The following ENOX1 variants were observed in gnomAD, a reference collection of about 807,000 sequenced individuals.
ENOX1 encodes the protein candidate growth-related and time keeping constitutive hydroquinone (NADH) oxidase.
Under a neutral mutation model 82.5 loss-of-function variants are expected in ENOX1, and 42 were observed. That is an observed-to-expected ratio of 0.51 (90% CI 0.40 to 0.66). ENOX1 has a LOEUF of 0.66. ENOX1 is among the 30% of genes least tolerant of loss of function. The pLI is 0.00. For synonymous variants in ENOX1, 271 were observed against 282.2 expected (o/e 0.96, Z 0.40); for missense variants, 608 against 811.6 (o/e 0.75, Z 3.05).
intron 2 of ENOX1, among the ~76,000 whole-genome samples, chr13:43,575,520 AC>A (rs1442171803): frequency 6.6e-6 from 1 of 152,202 alleles, no homozygotes; most frequent in Admixed American, 6.5e-5. Flanking sequence ...TGTTCAGGTC[AC>A]ACCTTCCTGA....
chr13:43,683,427 C>A (rs531215032), intron 1 of ENOX1, among the ~76,000 whole-genome samples: 75 of 152,186 alleles, frequency 4.9e-4, no homozygotes, highest in Non-Finnish European at 2.2e-4. Context: ...TTTGTCAGTC[C>A]ATTATCATCT....
chr13:43,322,094 G>C (rs1002168212), intron 11 of ENOX1, among the ~76,000 whole-genome samples: 2 of 152,198 alleles, frequency 1.3e-5, no homozygotes, highest in Non-Finnish European at 2.9e-5. Flanking sequence ...TTTAGCATCA[G>C]CTGTGGCTGC....
chr13:43,365,604 A>C (rs1260939145), intron 5 of ENOX1, among the ~76,000 whole-genome samples: 3 of 152,202 alleles, frequency 2.0e-5, no homozygotes, highest in African/African-American at 7.2e-5. Context: ...AACATCATGG[A>C]GTCATAAGTT....
intron 1 of ENOX1, among the ~76,000 whole-genome samples, chr13:43,763,937 G>A (rs946863767): frequency 6.6e-6 from 1 of 152,180 alleles, no homozygotes; most frequent in Admixed American, 6.5e-5. Flanking sequence ...GATTCATAGA[G>A]AATTTGTATC....
In ENOX1 at chr13:43,786,333, G is replaced by T. The variant is rs1418129007; in HGVS notation, c.-285+319C>A. Among the ~76,000 whole-genome samples the T allele has an allele frequency of 6.6e-6, 1 of 152,052 alleles. No individual in the cohort carries two copies. Among genetic ancestry groups the T allele is most frequent in the African/African-American group, 2.4e-5 (1 of 41,430 alleles). On this transcript the variant is annotated intron_variant, in intron 1 of 16. Coordinates refer to ENST00000690772, the MANE Select transcript of ENOX1 (RefSeq NM_001347969.2). The surrounding 1 kb of genome is among the most constrained non-coding windows in gnomAD (Gnocchi z 6.0). ...GGGAGGTGACTGGCGCGCGGCGGGC[G>T]CGGAGCCCGGAGCTGACACTGGCTG... is the stretch of plus-strand genomic sequence containing the variant.
chr13:43,339,891 T>C (rs975427635), intron 9 of ENOX1, among the ~76,000 whole-genome samples: 2 of 152,124 alleles, frequency 1.3e-5, no homozygotes, highest in African/African-American at 4.8e-5. Flanking sequence ...TGCAGACAAA[T>C]GGGGTGTGAC....
chr13:43,640,631 T>G (rs975552459), intron 2 of ENOX1, among the ~76,000 whole-genome samples: 16 of 152,174 alleles, frequency 1.1e-4, no homozygotes, highest in African/African-American at 3.6e-4. Flanking sequence ...CCTTTATAAC[T>G]CTCATTCTCA....
chr13:43,473,338 CCTTAA>C (rs780852901), intron 3 of ENOX1, among the ~76,000 whole-genome samples: 1 of 152,018 alleles, frequency 6.6e-6, no homozygotes, highest in African/African-American at 2.4e-5. Flanking sequence ...CATTCTATTC[CCTTAA>C]CTTTTCTTTT....
At chr13:43,756,223 G>T (rs9316056) in intron 1 of ENOX1, among the ~76,000 whole-genome samples, 137,132 of 151,928 alleles carry the variant, frequency 0.9, 62,347 homozygotes, top group Non-Finnish European at 0.97. Context: ...GCCCAGGAGT[G>T]TGAGACCAGC....
At chr13:43,732,522 G>A (rs1263000739) in intron 1 of ENOX1, among the ~76,000 whole-genome samples, 2 of 152,056 alleles carry the variant, frequency 1.3e-5, no homozygotes, top group South Asian at 2.1e-4. Context: ...AATGGTGAGC[G>A]CCCAATCAGC....
chr13:43,493,535 T>C (rs1178247889), intron 2 of ENOX1, among the ~76,000 whole-genome samples: 1 of 152,198 alleles, frequency 6.6e-6, no homozygotes, highest in Non-Finnish European at 1.5e-5. Flanking sequence ...AGAGCGAGAA[T>C]TCACCATTCC....
chr13:43,482,508 T>C (rs762707250), intron 3 of ENOX1, among the ~76,000 whole-genome samples: 1 of 152,168 alleles, frequency 6.6e-6, no homozygotes, highest in Non-Finnish European at 1.5e-5. Context: ...ACAACAGGTA[T>C]AGCACTTTAG....
chr13:43,604,660 G>T (rs898043401), intron 2 of ENOX1, among the ~76,000 whole-genome samples: 8 of 152,022 alleles, frequency 5.3e-5, no homozygotes, highest in African/African-American at 1.9e-4. Context: ...TTTACATCCT[G>T]GGGATAAATC....
chr13:43,336,978 C>T (rs1408439452), intron 9 of ENOX1, among the ~76,000 whole-genome samples: 2 of 152,208 alleles, frequency 1.3e-5, no homozygotes, highest in Non-Finnish European at 2.9e-5. Context: ...TATAAAGTTG[C>T]ATGACAGTTC....
At chr13:43,264,980 G>T (rs1477147581) in intron 14 of ENOX1, among the ~76,000 whole-genome samples, 2 of 152,142 alleles carry the variant, frequency 1.3e-5, no homozygotes, top group East Asian at 1.9e-4. Context: ...GAGAGAAGGG[G>T]TTTTCTCTGA....
At chr13:43,671,639 G>A (rs564087762) in intron 1 of ENOX1, among the ~76,000 whole-genome samples, 11 of 152,192 alleles carry the variant, frequency 7.2e-5, no homozygotes, top group African/African-American at 2.6e-4. Context: ...AGCCCACTAC[G>A]ATTTCCGAGG....
intron 1 of ENOX1, among the ~76,000 whole-genome samples, chr13:43,776,672 C>T (rs969003072): frequency 6.6e-6 from 1 of 152,212 alleles, no homozygotes; most frequent in African/African-American, 2.4e-5. Context: ...ACAGGAAGCA[C>T]TACCTCCCCT....
chr13:43,536,143 A>C (rs1210898072), intron 2 of ENOX1, among the ~76,000 whole-genome samples: 2 of 152,210 alleles, frequency 1.3e-5, no homozygotes, highest in Non-Finnish European at 2.9e-5. Flanking sequence ...ATTATTTTTA[A>C]GTTAATGTAA....
At chr13:43,583,909 A>G (rs899898912) in intron 2 of ENOX1, among the ~76,000 whole-genome samples, 1 of 151,730 alleles carries the variant, frequency 6.6e-6, no homozygotes, top group East Asian at 1.9e-4. Context: ...ATACTTAAAC[A>G]TTTTGACGCA....
Sources: gnomAD v4.1 joint callset for allele counts (sites outside exome capture counted in the v4.1 genomes callset) on GRCh38, gnomAD v4.1.1 for gene constraint, Gnocchi (gnomAD v3.1) non-coding constraint, MANE v1.5 for transcripts, NCBI Gene and HGNC (gene_info 2026-07-23, HGNC 2026-07-21) for gene names.